MYO16: variants seen among roughly 807,000 people sequenced by gnomAD.
MYO16 encodes unconventional myosin-XVI.
In MYO16, 94 loss-of-function variants were observed where a neutral mutation model predicts 205.3. The observed-to-expected ratio is 0.46, with a 90% confidence interval of 0.39 to 0.54. The LOEUF is 0.54. Among genes scored for constraint, MYO16 ranks in the 20% least tolerant of loss-of-function variants. The pLI is 0.00. For synonymous variants in MYO16, 988 were observed against 954.0 expected (o/e 1.04, Z -0.66); for missense variants, 2,315 against 2,387.5 (o/e 0.97, Z 0.63).
At chr13:109,151,850 T>C (rs748139935) in intron 32 of MYO16, among the ~76,000 whole-genome samples, 1 of 152,150 alleles carries the variant, frequency 6.6e-6, no homozygotes, top group Non-Finnish European at 1.5e-5. Flanking sequence ...AAACCAAAGC[T>C]CACAGCTATG....
chr13:108,823,245 T>A lies in MYO16; in HGVS notation c.1064T>A (p.Ile355Asn), dbSNP rs961906236. Residue 355 changes from isoleucine (I) to asparagine (N), a missense_variant, in exon 9 of 35, where the codon ATC becomes AAC. Transcript: ENST00000457511. ...TLAQEEPYEE[I>N]IHDLPVLSSK... ...GCTCAAGAAGAGCCCTATGAAGAGA[T>A]CATTCACGATCTTCCCGTACTGTCG... 2.5e-6 allele frequency: 4 copies of A among 1,612,344 alleles called. No individual in the cohort carries two copies. The highest frequency in any genetic ancestry group is 2.2e-5 in the East Asian group (1 of 44,844).
chr13:108,828,252 C>T (rs1299414598), intron 9 of MYO16, among the ~76,000 whole-genome samples: 2 of 152,080 alleles, frequency 1.3e-5, no homozygotes, highest in African/African-American at 4.8e-5. Flanking sequence ...TTTGTAATTC[C>T]AAAGCTTATC....
At chr13:108,799,486 G>T (rs747656872) in intron 6 of MYO16, among the ~76,000 whole-genome samples, 9 of 152,198 alleles carry the variant, frequency 5.9e-5, no homozygotes, top group Non-Finnish European at 1.0e-4. Flanking sequence ...GACCATGAAT[G>T]CTATCTTGAG....
intron 20 of MYO16, among the ~76,000 whole-genome samples, chr13:108,979,098 C>A (rs1268754487): frequency 2.6e-5 from 4 of 151,992 alleles, no homozygotes; most frequent in African/African-American, 9.7e-5. Context: ...TCTGCCTATG[C>A]AAATTATTTT....
chr13:108,564,821 T>A, the MYO16 span, among the ~76,000 whole-genome samples: 1 of 152,222 alleles, frequency 6.6e-6, no homozygotes, highest in Admixed American at 6.5e-5. Flanking sequence ...TTTGTTTTGA[T>A]TTTTGTATAA....
At chr13:108,614,344 G>C (rs541354206) in intron 1 of MYO16, among the ~76,000 whole-genome samples, 2 of 152,000 alleles carry the variant, frequency 1.3e-5, no homozygotes, top group East Asian at 1.9e-4. Flanking sequence ...AAAGGGAAAG[G>C]CATTCTTTTC....
At chr13:108,951,768 A>G (rs1253298817) in intron 16 of MYO16, among the ~76,000 whole-genome samples, 1 of 152,148 alleles carries the variant, frequency 6.6e-6, no homozygotes. Context: ...TGCCAACTCA[A>G]CCCAGCACTT....
chr13:108,608,615 G>A (rs1384752558), intron 1 of MYO16, among the ~76,000 whole-genome samples: 1 of 150,874 alleles, frequency 6.6e-6, no homozygotes, highest in African/African-American at 2.4e-5. Flanking sequence ...ATATATCAGT[G>A]CAGAAACAAA....
At chr13:108,611,244 G>A (rs1879162091) in intron 1 of MYO16, among the ~76,000 whole-genome samples, 1 of 152,032 alleles carries the variant, frequency 6.6e-6, no homozygotes, top group African/African-American at 2.4e-5. Context: ...GACCTGGGTG[G>A]TGGATCTGCT....
chr13:108,634,164 T>A (rs17386614), intron 1 of MYO16, among the ~76,000 whole-genome samples: 48,652 of 151,998 alleles, frequency 0.32, 7,786 homozygotes, highest in South Asian at 0.44. Context: ...TACCCTCGTC[T>A]TGTTTCTACG....
the MYO16 span, among the ~76,000 whole-genome samples, chr13:108,578,503 A>T: frequency 6.6e-6 from 1 of 152,200 alleles, no homozygotes; most frequent in Non-Finnish European, 1.5e-5. Context: ...TGTTATAAAC[A>T]AGCATCTGGC....
intron 11 of MYO16, among the ~76,000 whole-genome samples, chr13:108,856,092 G>T (rs1878156974): frequency 6.6e-6 from 1 of 152,156 alleles, no homozygotes; most frequent in South Asian, 2.1e-4. Flanking sequence ...ATGACAGCAT[G>T]GAGAATTTAT....
At chr13:108,556,549 T>C in the MYO16 span, among the ~76,000 whole-genome samples, 5 of 152,296 alleles carry the variant, frequency 3.3e-5, no homozygotes, top group African/African-American at 1.2e-4. Context: ...ATCAGATATA[T>C]GGGTTGCTAA....
chr13:108,673,241 TCCTGC>T (rs1409485878), intron 2 of MYO16, among the ~76,000 whole-genome samples: 3 of 152,154 alleles, frequency 2.0e-5, no homozygotes, highest in African/African-American at 7.2e-5. Context: ...AATTCTTTAT[TCCTGC>T]TTTCTAGTGG....
intron 34 of MYO16, among the ~76,000 whole-genome samples, chr13:109,190,193 A>C (rs1879853423): frequency 6.6e-6 from 1 of 152,104 alleles, no homozygotes; most frequent in Admixed American, 6.5e-5. Context: ...TTATCCTATT[A>C]TATTTTTGTA....
chr13:108,795,398 C>T (rs184045463), intron 6 of MYO16, among the ~76,000 whole-genome samples: 23 of 152,014 alleles, frequency 1.5e-4, no homozygotes, highest in South Asian at 4.2e-4. Context: ...TTATTAGAGA[C>T]GGGGTTTCAC....
rs1431265284 is a variant in MYO16, at chr13:109,207,601, C to G, written c.*765C>G. The G allele has an allele frequency of 6.6e-6, 1 of 152,180 alleles. No homozygotes were observed. The highest frequency in any genetic ancestry group is 1.5e-5 in the Non-Finnish European group (1 of 68,040). 9.4% of individuals were successfully genotyped at this position (152,180 alleles called of 1,614,324 possible). A position where few individuals can be genotyped will look rare whatever the true frequency, so the allele number is the denominator to read the frequency against. ...TTTCTGGATAAGTGGATTGTGTACC[C>G]TTTAGTTAAATTTCACCTCCCGACT... On this transcript the variant is annotated 3_prime_UTR_variant, in exon 35 of 35. Transcript: ENST00000457511.
At chr13:109,130,198 A>G (rs1210687768) in intron 31 of MYO16, among the ~76,000 whole-genome samples, 1 of 152,200 alleles carries the variant, frequency 6.6e-6, no homozygotes, top group Non-Finnish European at 1.5e-5. Context: ...CATGCAAGAT[A>G]TTTATGTAAA....
At chr13:108,942,661 T>A (rs908327330) in intron 16 of MYO16, among the ~76,000 whole-genome samples, 2 of 152,240 alleles carry the variant, frequency 1.3e-5, no homozygotes, top group African/African-American at 4.8e-5. Flanking sequence ...TTCCCTTGGC[T>A]GATTTGTTTG....
Sources: gnomAD v4.1 joint callset for allele counts (sites outside exome capture counted in the v4.1 genomes callset) on GRCh38, gnomAD v4.1.1 for gene constraint, MANE v1.5 for transcripts, NCBI Gene and HGNC (gene_info 2026-07-23, HGNC 2026-07-21) for gene names.